DLG2: variants seen among roughly 807,000 people sequenced by gnomAD.
The protein encoded by DLG2 is discs large MAGUK scaffold protein 2.
A neutral mutation model predicts 132.5 loss-of-function variants in DLG2; 45 were observed. That is an observed-to-expected ratio of 0.34 (90% CI 0.27 to 0.44). The LOEUF is 0.44. DLG2 is among the 20% of genes least tolerant of loss of function. DLG2 has a pLI of 1.00. For missense variants in DLG2, 1,045 were observed against 1,196.9 expected, an observed-to-expected ratio of 0.87 and a Z score of 1.87; for synonymous variants, 424 against 419.6, an observed-to-expected ratio of 1.01 and a Z score of -0.13.
At chr11:83,485,784 C>CAAAT (rs768134256) in intron 21 of DLG2, among the ~76,000 whole-genome samples, 11 of 152,148 alleles carry the variant, frequency 7.2e-5, no homozygotes, top group Non-Finnish European at 1.6e-4. Context: ...ATTCCCATAT[C>CAAAT]AAATATCCAT....
intron 3 of DLG2, among the ~76,000 whole-genome samples, chr11:85,390,360 A>G (rs1367859798): frequency 1.3e-5 from 2 of 152,196 alleles, no homozygotes; most frequent in South Asian, 2.1e-4. Flanking sequence ...TAAAACATTT[A>G]CTACTAGACC....
At chr11:85,386,725 TTC>T (rs1338234274) in intron 3 of DLG2, among the ~76,000 whole-genome samples, 3 of 151,890 alleles carry the variant, frequency 2.0e-5, no homozygotes, top group Admixed American at 6.6e-5. Context: ...ATCTTTTTAT[TTC>T]TGTTTGTAGC....
chr11:85,191,162 G>GCGCGCACACACACACA (rs34410192), intron 4 of DLG2, among the ~76,000 whole-genome samples: 1 of 139,922 alleles, frequency 7.1e-6, no homozygotes, highest in African/African-American at 2.8e-5. Flanking sequence ...GCGCACGCGC[G>GCGCGCACACACACACA]CACACACACA....
At chr11:83,717,768 G>T (rs145320393) in intron 18 of DLG2, among the ~76,000 whole-genome samples, 1 of 152,294 alleles carries the variant, frequency 6.6e-6, no homozygotes, top group African/African-American at 2.4e-5. Context: ...ACCCAGTGAC[G>T]TGGCAGTGTG....
At chr11:84,724,436 A>C (rs769439740) in intron 6 of DLG2, among the ~76,000 whole-genome samples, 1 of 152,104 alleles carries the variant, frequency 6.6e-6, no homozygotes, top group Non-Finnish European at 1.5e-5. Flanking sequence ...AGCCAATCCT[A>C]CTCATGACAG....
intron 17 of DLG2, among the ~76,000 whole-genome samples, chr11:83,788,195 T>TG (rs926549595): frequency 2.0e-5 from 3 of 152,194 alleles, no homozygotes; most frequent in African/African-American, 7.2e-5. Context: ...GGGTGGCAGA[T>TG]GGGGGGTTAC....
chr11:84,287,051 A>G (rs139935140), intron 7 of DLG2, among the ~76,000 whole-genome samples: 6 of 152,248 alleles, frequency 3.9e-5, no homozygotes, highest in Admixed American at 1.3e-4. Flanking sequence ...TATGTCATAT[A>G]ATTGTTGTGG....
chr11:85,070,171 G>T (rs889170839), intron 6 of DLG2, among the ~76,000 whole-genome samples: 1 of 151,936 alleles, frequency 6.6e-6, no homozygotes, highest in Non-Finnish European at 1.5e-5. Flanking sequence ...GTGGAGAGGG[G>T]AGGGATAGCA....
intron 2 of DLG2, among the ~76,000 whole-genome samples, chr11:85,608,125 A>C (rs1324674750): frequency 6.6e-6 from 1 of 152,124 alleles, no homozygotes; most frequent in Non-Finnish European, 1.5e-5. Flanking sequence ...GGCGGTGAGC[A>C]CAACTATTCT....
chr11:85,122,112 T>C (rs1019469972), intron 5 of DLG2, among the ~76,000 whole-genome samples: 1 of 152,280 alleles, frequency 6.6e-6, no homozygotes, highest in African/African-American at 2.4e-5. Flanking sequence ...CCATGGTAAG[T>C]GATCAGCTAT....
intron 6 of DLG2, among the ~76,000 whole-genome samples, chr11:84,641,627 G>A (rs1447203195): frequency 2.0e-5 from 3 of 152,090 alleles, no homozygotes; most frequent in Non-Finnish European, 2.9e-5. Flanking sequence ...CAGTGAGGCA[G>A]CGTAGTTTAA....
intron 3 of DLG2, among the ~76,000 whole-genome samples, chr11:85,596,603 A>G (rs2153233363): frequency 6.6e-6 from 1 of 152,292 alleles, no homozygotes; most frequent in Middle Eastern, 3.4e-3. Flanking sequence ...ATTGGCCAGA[A>G]TAATGGGTGA....
chr11:85,564,659 G>T (rs1269818508), intron 3 of DLG2, among the ~76,000 whole-genome samples: 1 of 151,858 alleles, frequency 6.6e-6, no homozygotes, highest in African/African-American at 2.4e-5. Flanking sequence ...GATTATTTTA[G>T]CTTTATAATA....
At chr11:83,878,105 C>T (rs141466960) in intron 15 of DLG2, among the ~76,000 whole-genome samples, 1 of 152,316 alleles carries the variant, frequency 6.6e-6, no homozygotes, top group Non-Finnish European at 1.5e-5. Flanking sequence ...AAACATGCTG[C>T]TCTGTTCTGC....
rs532486884 is a variant in DLG2, at chr11:83,511,038, A to AAAC, written c.2193+21669_2193+21670insGTT. Reference sequence around the variant, plus strand: ...TCCAATACTACGTTTTGAGAAAAAAAAAAAAACCCTCTCTGTCTTCCTCTC... The same window carrying AAAC: ...TCCAATACTACGTTTTGAGAAAAAAAAACAAAAAACCCTCTCTGTCTTCCTCTC... On this transcript the variant is annotated intron_variant, in intron 21 of 27. Transcript: ENST00000376104. 7.6e-3 allele frequency among the ~76,000 whole-genome samples: 1,114 copies of AAAC among 146,618 alleles called. 64 individuals are homozygous for AAAC. In the East Asian group the frequency reaches 0.11, roughly 15 times the overall value.
intron 8 of DLG2, among the ~76,000 whole-genome samples, chr11:84,200,374 T>G (rs898776449): frequency 2.6e-5 from 4 of 152,080 alleles, no homozygotes; most frequent in Non-Finnish European, 5.9e-5. Context: ...TAAAAATTAG[T>G]CACCCGACTA....
intron 15 of DLG2, among the ~76,000 whole-genome samples, chr11:83,898,065 G>A (rs1175047489): frequency 6.6e-6 from 1 of 152,076 alleles, no homozygotes; most frequent in Admixed American, 6.6e-5. Context: ...CCTATACAAA[G>A]GGCCTTGGGA....
At chr11:85,555,669 G>A (rs2076903279) in intron 3 of DLG2, among the ~76,000 whole-genome samples, 1 of 151,808 alleles carries the variant, frequency 6.6e-6, no homozygotes, top group South Asian at 2.1e-4. Flanking sequence ...CTGGAGAAGA[G>A]ACTAAAAGTC....
intron 3 of DLG2, among the ~76,000 whole-genome samples, chr11:85,309,233 A>T (rs1373615667): frequency 2.0e-5 from 3 of 152,150 alleles, no homozygotes; most frequent in Non-Finnish European, 4.4e-5. Context: ...ACATGAGCAC[A>T]GCCAAGACCT....
Sources: gnomAD v4.1 joint callset for allele counts (sites outside exome capture counted in the v4.1 genomes callset) on GRCh38, gnomAD v4.1.1 for gene constraint, MANE v1.5 for transcripts, NCBI Gene and HGNC (gene_info 2026-07-23, HGNC 2026-07-21) for gene names.